PSMD1: variants seen among roughly 807,000 people sequenced by gnomAD.
PSMD1 encodes 26S proteasome non-ATPase regulatory subunit 1.
Under a neutral mutation model 119.0 loss-of-function variants are expected in PSMD1, and 18 were observed. The observed-to-expected ratio is 0.15, with a 90% CI of 0.10 to 0.22. The LOEUF (loss-of-function observed/expected upper bound fraction) is 0.22, where lower values mean the gene tolerates loss of function less well. Among genes scored for constraint, PSMD1 ranks in the 10% least tolerant of loss-of-function variants. PSMD1 has a pLI of 1.00. For synonymous variants in PSMD1, 374 were observed against 396.6 expected (o/e 0.94, Z 0.68); for missense variants, 702 against 1,158.5 (o/e 0.61, Z 5.72).
At chr2:231,112,314 G>T (rs1356925567) in intron 16 of PSMD1, among the ~76,000 whole-genome samples, 3 of 152,122 alleles carry the variant, frequency 2.0e-5, no homozygotes, top group Admixed American at 6.6e-5. Context: ...AGCTGCTTTT[G>T]GGGGGCTGGT....
At chr2:231,112,899 T>C (rs1240050008) in intron 16 of PSMD1, among the ~76,000 whole-genome samples, 1 of 152,190 alleles carries the variant, frequency 6.6e-6, no homozygotes, top group African/African-American at 2.4e-5. Flanking sequence ...GTGCAGTGAC[T>C]CACGCCTGTA....
intron 18 of PSMD1, among the ~76,000 whole-genome samples, chr2:231,149,482 A>G (rs74701874): frequency 0.036 from 5,502 of 152,236 alleles, 341 homozygotes; most frequent in African/African-American, 0.12. Context: ...AAAACAAACA[A>G]AAAAATCACC....
At chr2:231,070,273 A>G (rs1268915966) in intron 6 of PSMD1, 105 bp downstream of exon 6, 17 of 947,158 alleles carry the variant, frequency 1.8e-5, no homozygotes, top group African/African-American at 1.0e-4. Flanking sequence ...GGCTTTATAC[A>G]TGTATCTCAG....
chr2:231,104,886 G>A (rs528321800), intron 16 of PSMD1, among the ~76,000 whole-genome samples: 40 of 152,154 alleles, frequency 2.6e-4, no homozygotes, highest in African/African-American at 9.1e-4. Context: ...ATTTACTGTC[G>A]TAGCATGCTC....
intron 17 of PSMD1, among the ~76,000 whole-genome samples, chr2:231,145,938 A>G (rs113353487): frequency 2.8e-4 from 43 of 151,724 alleles, no homozygotes; most frequent in African/African-American, 9.7e-4. Flanking sequence ...CCATTGTACA[A>G]AAATATTTTT....
intron 16 of PSMD1, chr2:231,133,728 G>A (rs1695904516): frequency 6.6e-6 from 1 of 152,074 alleles, no homozygotes; most frequent in African/African-American, 2.4e-5. Context: ...TAGTAAAGAT[G>A]GATTAGAGGG....
At chr2:231,066,621 C>T (rs1335680217) in intron 4 of PSMD1, among the ~76,000 whole-genome samples, 1 of 152,184 alleles carries the variant, frequency 6.6e-6, no homozygotes, top group Non-Finnish European at 1.5e-5. Flanking sequence ...TCATGTGATC[C>T]TCCTGCCTCA....
chr2:231,077,067 A>T lies in PSMD1; in HGVS notation c.976A>T (p.Ile326Phe). Residue 326 changes from isoleucine to phenylalanine, a missense_variant, in exon 9 of 25, where the codon ATT (isoleucine) becomes TTT (phenylalanine). Ile to Phe is a conservative substitution (Grantham distance 21). Transcript: ENST00000308696. ...PEPKDQTLKMIKILSGEMAIE... is the reference protein window; with the variant it reads ...PEPKDQTLKMFKILSGEMAIE... ...GCCTAAGGACCAGACTTTGAAAATG[A>T]TTAAAATTTTAAGTGGTGAAATGGC... The T allele has an allele frequency of 6.2e-7, 1 of 1,607,096 alleles. No homozygotes were observed. The highest frequency in any genetic ancestry group is 8.5e-7 in the Non-Finnish European group (1 of 1,177,188).
chr2:231,153,740 A>G, intron 19 of PSMD1, 74 bp downstream of exon 19: 1 of 1,064,734 alleles, frequency 9.4e-7, no homozygotes, highest in Non-Finnish European at 1.4e-6. Flanking sequence ...CTCTAACTAT[A>G]TGACATAATG....
chr2:231,144,393 A>G (rs1574767859), intron 17 of PSMD1, among the ~76,000 whole-genome samples: 1 of 144,210 alleles, frequency 6.9e-6, no homozygotes, highest in Non-Finnish European at 1.5e-5. Flanking sequence ...CCAGGACTTC[A>G]GGCACCCGCC....
chr2:231,123,835 T>G (rs1420208591), intron 16 of PSMD1: 17 of 1,216,902 alleles, frequency 1.4e-5, no homozygotes, highest in Non-Finnish European at 1.9e-5. Flanking sequence ...GCTGCTCATC[T>G]GTTTTTTTAA....
chr2:231,082,821 A>G, intron 12 of PSMD1, 62 bp from the exon 13 acceptor site: 1 of 1,223,422 alleles, frequency 8.2e-7, no homozygotes, highest in South Asian at 1.3e-5. Context: ...TTGAAATTAG[A>G]ATAAAAACTT....
intron 4 of PSMD1, among the ~76,000 whole-genome samples, chr2:231,066,023 T>G (rs757083701): frequency 6.6e-6 from 1 of 152,238 alleles, no homozygotes; most frequent in African/African-American, 2.4e-5. Flanking sequence ...TACACTAATA[T>G]GCTATACAGG....
At chr2:231,109,789 C>T (rs1295462135) in intron 16 of PSMD1, among the ~76,000 whole-genome samples, 1 of 152,090 alleles carries the variant, frequency 6.6e-6, no homozygotes, top group Non-Finnish European at 1.5e-5. Flanking sequence ...TTCTTATTAT[C>T]CAGTGTAGTT....
At chr2:231,160,861 T>C (rs1317565863) in intron 19 of PSMD1, among the ~76,000 whole-genome samples, 2 of 152,180 alleles carry the variant, frequency 1.3e-5, no homozygotes, top group Admixed American at 6.5e-5. Flanking sequence ...ACTGCACATA[T>C]GAATTGTGCT....
At chr2:231,076,072 G>A (rs962217249) in intron 8 of PSMD1, among the ~76,000 whole-genome samples, 10 of 152,002 alleles carry the variant, frequency 6.6e-5, no homozygotes, top group Admixed American at 3.3e-4. Context: ...AAATTGATCC[G>A]AAGAAAACAT....
intron 16 of PSMD1, chr2:231,108,421 A>G (rs1695028829): frequency 4.7e-6 from 4 of 851,824 alleles, no homozygotes. Flanking sequence ...GATTTGATAT[A>G]TGACATAAAA....
chr2:231,139,081 GA>G, intron 17 of PSMD1: 1 of 552,158 alleles, frequency 1.8e-6, no homozygotes, highest in Non-Finnish European at 3.3e-6. Context: ...CAGTGCTTTT[GA>G]ATTTCTTTTT....
intron 19 of PSMD1, 78 bp from the exon 20 acceptor site, chr2:231,161,262 A>T: frequency 7.7e-7 from 1 of 1,300,700 alleles, no homozygotes; most frequent in Non-Finnish European, 1.1e-6. Flanking sequence ...AGAAAGAAAG[A>T]AAGATATCGT....
Sources: gnomAD v4.1 joint callset for allele counts (sites outside exome capture counted in the v4.1 genomes callset) on GRCh38, gnomAD v4.1.1 for gene constraint, MANE v1.5 for transcripts, NCBI Gene and HGNC (gene_info 2026-07-23, HGNC 2026-07-21) for gene names.